ADCY9: variants seen among roughly 807,000 people sequenced by gnomAD.
ADCY9 encodes adenylate cyclase type 9.
A neutral mutation model predicts 101.5 loss-of-function variants in ADCY9; 50 were observed. The ratio of observed to expected loss-of-function variants is 0.49; its 90% CI spans 0.39 to 0.62. ADCY9 has a LOEUF of 0.62. ADCY9 is among the 20% of genes least tolerant of loss of function. The probability of loss-of-function intolerance (pLI) is 0.00; values close to 1 mark genes in which losing one functional copy is unlikely to be tolerated. For missense variants in ADCY9, 1,662 were observed against 1,800.4 expected (o/e 0.92, Z 1.39); for synonymous variants, 905 against 769.3 (o/e 1.18, Z -2.92).
intron 6 of ADCY9, among the ~76,000 whole-genome samples, chr16:3,985,587 G>A (rs2056185147): frequency 6.6e-6 from 1 of 152,148 alleles, no homozygotes; most frequent in Non-Finnish European, 1.5e-5. Context: ...AGACATCACT[G>A]CCTTGCCCAC....
In ADCY9 at chr16:4,114,480, C is replaced by T; in HGVS notation, c.963G>A (p.Lys321=). The T allele has an allele frequency of 6.2e-7, 1 of 1,614,170 alleles. No individual in the cohort carries two copies. Among genetic ancestry groups the T allele is most frequent in the Non-Finnish European group, 8.5e-7 (1 of 1,180,040 alleles). The change falls in exon 2 of 11, where the codon AAG becomes AAA. Residue 321 remains lysine (K), a synonymous_variant. Transcript: ENST00000294016. The surrounding 1 kb of genome is among the most constrained non-coding windows in gnomAD (Gnocchi z 4.3). ...LKVGQSIMHG[K]DLEVEKALKE... The stretch of plus-strand genomic sequence containing the variant: ...TGAGGGCTTTTTCCACTTCCAGGTC[C>T]TTCCCGTGCATAATGGATTGCCCCA...
intron 2 of ADCY9, among the ~76,000 whole-genome samples, chr16:4,034,473 G>A (rs899640419): frequency 7.9e-5 from 12 of 152,130 alleles, no homozygotes; most frequent in Non-Finnish European, 1.8e-4. Context: ...GCACTGGTAC[G>A]ATTTCGGCTC....
intron 2 of ADCY9, among the ~76,000 whole-genome samples, chr16:4,039,623 G>A: frequency 6.8e-6 from 1 of 146,832 alleles, no homozygotes; most frequent in East Asian, 2.0e-4. Flanking sequence ...AGGTTGCAGT[G>A]AGCCGAGATC....
chr16:4,026,233 T>C (rs2056513833), intron 2 of ADCY9, among the ~76,000 whole-genome samples: 2 of 152,066 alleles, frequency 1.3e-5, no homozygotes, highest in Admixed American at 6.5e-5. Flanking sequence ...GAGACCAGCG[T>C]AGGCAACATG....
chr16:3,970,227 C>T (rs371328265), intron 10 of ADCY9, among the ~76,000 whole-genome samples: 1 of 151,598 alleles, frequency 6.6e-6, no homozygotes, highest in Admixed American at 6.6e-5. Context: ...GACAGGGTCT[C>T]GCCATCTTGC....
Position 3,966,279 on chromosome 16 carries a change from G to C in ADCY9, c.3558C>G (p.Ile1186Met). ...TGGCGATGTTGACGGTGTCTCCCCA[G>C]ATGTCGTACAGCAGCTTGGTGGTGC... is the stretch of plus-strand genomic sequence containing the variant. ...VIGTTKLLYD[I>M]WGDTVNIASR... The change falls in exon 11 of 11, where the codon ATC becomes ATG. Residue 1186 changes from isoleucine to methionine, a missense_variant. By Grantham distance (10) the Ile-to-Met change is conservative. Transcript: ENST00000294016. 1 of 1,614,176 alleles carries C rather than the reference G, an allele frequency of 6.2e-7. No individual in the cohort carries two copies. Among genetic ancestry groups the C allele is most frequent in the Non-Finnish European group, 8.5e-7 (1 of 1,180,036 alleles).
intron 2 of ADCY9, among the ~76,000 whole-genome samples, chr16:4,079,285 T>C (rs1345679337): frequency 6.6e-6 from 1 of 152,174 alleles, no homozygotes; most frequent in African/African-American, 2.4e-5. Flanking sequence ...ATGTACAGAC[T>C]TGGCCAGGCA....
chr16:3,958,957 G>C (rs1176463166), downstream of ADCY9, among the ~76,000 whole-genome samples: 1 of 152,044 alleles, frequency 6.6e-6, no homozygotes, highest in African/African-American at 2.4e-5. Flanking sequence ...CCACAGGCGG[G>C]AGCCACCATG....
intron 2 of ADCY9, among the ~76,000 whole-genome samples, chr16:4,041,040 G>T (rs185893508): frequency 2.0e-4 from 30 of 152,252 alleles, no homozygotes; most frequent in African/African-American, 6.5e-4. Context: ...AAAGACCACA[G>T]GAGATAAAGC....
At chr16:4,037,574 T>C (rs542553875) in intron 2 of ADCY9, among the ~76,000 whole-genome samples, 1 of 152,300 alleles carries the variant, frequency 6.6e-6, no homozygotes, top group East Asian at 1.9e-4. Context: ...TGGGTAGATA[T>C]CTAGTAGTGG....
At chr16:3,988,420 CGGTGGGGAGTTCCCTTCCAGGGCA>C (rs1269766422) in intron 6 of ADCY9, among the ~76,000 whole-genome samples, 2 of 66,368 alleles carry the variant, frequency 3.0e-5, no homozygotes, top group African/African-American at 5.7e-5. Context: ...CAGGGCAGGT[CGGTGGGGAGTTCCCTTCCAGGGCA>C]GGTGGGGGGT....
chr16:4,099,775 G>A (rs575237195), intron 2 of ADCY9, among the ~76,000 whole-genome samples: 1 of 152,208 alleles, frequency 6.6e-6, no homozygotes, highest in Non-Finnish European at 1.5e-5. Flanking sequence ...ATCTCAGCTG[G>A]GTGCCTTGGC....
intron 7 of ADCY9, among the ~76,000 whole-genome samples, chr16:3,980,573 G>C (rs1163272338): frequency 6.6e-6 from 1 of 152,154 alleles, no homozygotes; most frequent in Non-Finnish European, 1.5e-5. Context: ...CCCAGCCTTC[G>C]GGCCTGAACA....
chr16:4,071,468 C>T (rs1248773734), intron 2 of ADCY9, among the ~76,000 whole-genome samples: 2 of 151,646 alleles, frequency 1.3e-5, no homozygotes, highest in African/African-American at 2.4e-5. Context: ...AAAAAGGGTC[C>T]GTATGGTGGA....
At chr16:4,070,641 T>A (rs2056828274) in intron 2 of ADCY9, among the ~76,000 whole-genome samples, 1 of 151,924 alleles carries the variant, frequency 6.6e-6, no homozygotes, top group Non-Finnish European at 1.5e-5. Flanking sequence ...CATAGAGAGA[T>A]CCTTTCTCTT....
intron 2 of ADCY9, among the ~76,000 whole-genome samples, chr16:4,043,187 C>T (rs1362434288): frequency 6.6e-6 from 1 of 151,984 alleles, no homozygotes; most frequent in Non-Finnish European, 1.5e-5. Flanking sequence ...GCCCAGATGG[C>T]GCCACTGCAC....
At chr16:4,066,754 AG>A (rs1232709504) in intron 2 of ADCY9, among the ~76,000 whole-genome samples, 1 of 152,224 alleles carries the variant, frequency 6.6e-6, no homozygotes, top group Non-Finnish European at 1.5e-5. Flanking sequence ...ATGAAAAAAA[AG>A]TGAATATTAT....
chr16:4,108,907 C>T (rs144254323), intron 2 of ADCY9, among the ~76,000 whole-genome samples: 1 of 151,046 alleles, frequency 6.6e-6, no homozygotes, highest in African/African-American at 2.4e-5. Flanking sequence ...GGTTTCACCA[C>T]GTTGGCCAGG....
chr16:4,114,729 C>T lies in ADCY9; in HGVS notation c.714G>A (p.Met238Ile). The T allele has an allele frequency of 1.2e-6, 2 of 1,613,178 alleles. No homozygotes were observed. Among genetic ancestry groups the T allele is most frequent in the South Asian group, 2.2e-5 (2 of 91,088 alleles). Residue 238 changes from methionine to isoleucine, a missense_variant, in exon 2 of 11, where the codon ATG becomes ATA. By Grantham distance (10) the Met-to-Ile change is conservative. Coordinates refer to ENST00000294016, the MANE Select transcript of ADCY9 (RefSeq NM_001116.4). This position sits in a 1 kb window ranked among gnomAD's most constrained non-coding sequence, Gnocchi z 4.3. Reference sequence around the variant, plus strand: ...ACAAACTCAGGTACAAAGGTAAGTGCATGACGGTATAGAGCAAAAAGAGCA... The same window carrying T: ...ACAAACTCAGGTACAAAGGTAAGTGTATGACGGTATAGAGCAAAAAGAGCA... ...IEVLFLLYTV[M>I]HLPLYLSLCL...
Sources: gnomAD v4.1 joint callset for allele counts (sites outside exome capture counted in the v4.1 genomes callset) on GRCh38, gnomAD v4.1.1 for gene constraint, Gnocchi (gnomAD v3.1) non-coding constraint, MANE v1.5 for transcripts, NCBI Gene and HGNC (gene_info 2026-07-23, HGNC 2026-07-21) for gene names.